Variants in ZFHX3 observed in about 807,000 individuals in gnomAD.
ZFHX3 encodes zinc finger homeobox protein 3.
Under a neutral mutation model 279.1 loss-of-function variants are expected in ZFHX3, and 42 were observed. That is an observed-to-expected ratio of 0.15 (90% CI 0.12 to 0.19). The LOEUF (loss-of-function observed/expected upper bound fraction) is 0.19. ZFHX3 is among the 10% of genes least tolerant of loss of function. The pLI is 1.00. For synonymous variants in ZFHX3, 2,293 were observed against 1,957.8 expected (o/e 1.17, Z -4.52); for missense variants, 4,981 against 4,754.0 (o/e 1.05, Z -1.40).
chr16:73,309,906 CTTTT>C (rs57812149), intron 4 of ZFHX3, among the ~76,000 whole-genome samples: 3 of 114,406 alleles, frequency 2.6e-5, no homozygotes, highest in Non-Finnish European at 3.6e-5. Context: ...TTTTTCTTGC[CTTTT>C]TTTTTTTTTT....
At position 72,795,488 on chromosome 16, in the gene ZFHX3, G is replaced by A. The variant is rs765880075; in HGVS notation, c.7194C>T (p.Ala2398=). 4 of 1,614,032 alleles carry A rather than the reference G, an allele frequency of 2.5e-6. No individual in the cohort carries two copies. The highest frequency in any genetic ancestry group is 1.7e-6 in the Non-Finnish European group (2 of 1,180,044). The change falls in exon 9 of 10, where the codon GCC becomes GCT. Residue 2398 remains alanine, a synonymous_variant. Coordinates refer to ENST00000268489, the MANE Select transcript of ZFHX3 (RefSeq NM_006885.4). The part of the protein sequence containing the change: ...SQAYSAPAPS[A]NNTASSAFLQ... ...AGAAAGCGGAGGAAGCTGTATTATT[G>A]GCTGATGGTGCTGGGGCGCTGTAAG...
intron 5 of ZFHX3, among the ~76,000 whole-genome samples, chr16:73,248,577 G>T (rs2013377986): frequency 6.6e-6 from 1 of 151,532 alleles, no homozygotes; most frequent in Non-Finnish European, 1.5e-5. Flanking sequence ...GTGTCTGTGT[G>T]TATATGTGCA....
At chr16:73,390,808 C>G (rs967249893) in intron 3 of ZFHX3, among the ~76,000 whole-genome samples, 2 of 151,982 alleles carry the variant, frequency 1.3e-5, no homozygotes, top group Admixed American at 6.6e-5. Context: ...ACCCACTTCT[C>G]CCCCTGGTGT....
intron 1 of ZFHX3, among the ~76,000 whole-genome samples, chr16:73,031,281 G>A (rs1380608370): frequency 2.0e-5 from 3 of 152,108 alleles, no homozygotes; most frequent in Non-Finnish European, 4.4e-5. Flanking sequence ...CCTGGCGGCG[G>A]GGGGGGAAGT....
chr16:73,350,687 G>A (rs183294480), intron 3 of ZFHX3, among the ~76,000 whole-genome samples: 9 of 152,278 alleles, frequency 5.9e-5, no homozygotes, highest in African/African-American at 1.4e-4. Flanking sequence ...CTGACCCTTC[G>A]GTCAAGTGCT....
rs1047606864 is a variant in ZFHX3 at position 73,301,674 on chromosome 16, A to G, written c.-1194+16566T>C. ...TCCCGATACCAAGAAAGAGAGAAAG[A>G]TCATTGCCAAGTCCCTCATGGCTTA... On this transcript the variant is annotated intron_variant, in intron 4 of 17. Coordinates refer to the ZFHX3 transcript ENST00000641206. Among the ~76,000 whole-genome samples, 6 of 151,922 alleles carry G rather than the reference A, an allele frequency of 3.9e-5. No individual in the cohort carries two copies. The South Asian group carries it at 8.3e-4, about 21-fold the overall frequency.
At chr16:72,812,454 G>T (rs1053657127) in intron 5 of ZFHX3, among the ~76,000 whole-genome samples, 1 of 152,206 alleles carries the variant, frequency 6.6e-6, no homozygotes, top group African/African-American at 2.4e-5. Flanking sequence ...CTTCAGAAAT[G>T]TAAGAAGAGA....
At chr16:73,237,528 CTTTTTT>C (rs886922274) in intron 5 of ZFHX3, among the ~76,000 whole-genome samples, 1 of 84,144 alleles carries the variant, frequency 1.2e-5, no homozygotes, top group Non-Finnish European at 2.3e-5. Flanking sequence ...CAAATGCAGC[CTTTTTT>C]TTTTTTTTTT....
At chr16:73,125,178 G>C (rs1405397894) in intron 7 of ZFHX3, 1 of 149,512 alleles carries the variant, frequency 6.7e-6, no homozygotes, top group African/African-American at 2.5e-5. Flanking sequence ...AGCTGTGGGT[G>C]GCAGAAGAGG....
intron 2 of ZFHX3, among the ~76,000 whole-genome samples, chr16:73,606,673 A>G (rs1390039669): frequency 6.6e-6 from 1 of 152,014 alleles, no homozygotes; most frequent in Non-Finnish European, 1.5e-5. Context: ...CTATCAACCC[A>G]CCACCTAGGT....
intron 1 of ZFHX3, among the ~76,000 whole-genome samples, chr16:73,771,714 C>G (rs1000383577): frequency 6.6e-6 from 1 of 152,156 alleles, no homozygotes; most frequent in Non-Finnish European, 1.5e-5. Flanking sequence ...GGCTTCCTTC[C>G]CTAGAGAACT....
At chr16:73,838,255 T>A (rs2966028) in intron 1 of ZFHX3, among the ~76,000 whole-genome samples, 45,516 of 152,118 alleles carry the variant, frequency 0.3, 7,549 homozygotes, top group Non-Finnish European at 0.38. Flanking sequence ...TGGCCAGAGC[T>A]GTAGCCAACA....
intron 1 of ZFHX3, among the ~76,000 whole-genome samples, chr16:73,704,852 T>A (rs2053288247): frequency 6.6e-6 from 1 of 152,200 alleles, no homozygotes; most frequent in South Asian, 2.1e-4. Flanking sequence ...CTCCAAGCTG[T>A]CCCACCTGAG....
intron 1 of ZFHX3, among the ~76,000 whole-genome samples, chr16:73,871,103 T>G (rs1384126689): frequency 6.6e-6 from 1 of 152,230 alleles, no homozygotes; most frequent in Non-Finnish European, 1.5e-5. Flanking sequence ...GTTTACAAGT[T>G]GTAATTGTTT....
chr16:73,453,649 T>C (rs1597341321), intron 3 of ZFHX3, among the ~76,000 whole-genome samples: 1 of 152,226 alleles, frequency 6.6e-6, no homozygotes, highest in Admixed American at 6.5e-5. Flanking sequence ...AAAGCAAGTG[T>C]ATTAGTCTGT....
chr16:73,091,362 C>T (rs986422648), intron 8 of ZFHX3, among the ~76,000 whole-genome samples: 1 of 152,148 alleles, frequency 6.6e-6, no homozygotes, highest in Non-Finnish European at 1.5e-5. Flanking sequence ...TTGGCAATGG[C>T]TTTCAGTGGC....
At chr16:73,353,138 GT>G (rs2016277875) in intron 3 of ZFHX3, among the ~76,000 whole-genome samples, 1 of 152,206 alleles carries the variant, frequency 6.6e-6, no homozygotes, top group South Asian at 2.1e-4. Context: ...AAGAAACACT[GT>G]GCATTCATGA....
At chr16:73,716,772 GA>G (rs1390484291) in intron 1 of ZFHX3, among the ~76,000 whole-genome samples, 1 of 152,048 alleles carries the variant, frequency 6.6e-6, no homozygotes, top group East Asian at 1.9e-4. Flanking sequence ...GCTCCTTTGG[GA>G]GGAGCAATTT....
At chr16:73,656,146 A>G (rs1431936874) in intron 2 of ZFHX3, among the ~76,000 whole-genome samples, 1 of 152,212 alleles carries the variant, frequency 6.6e-6, no homozygotes, top group Non-Finnish European at 1.5e-5. Flanking sequence ...GAACACAACC[A>G]TGCTTATCCA....
Sources: gnomAD v4.1 joint callset for allele counts (sites outside exome capture counted in the v4.1 genomes callset) on GRCh38, gnomAD v4.1.1 for gene constraint, MANE v1.5 for transcripts, NCBI Gene and HGNC (gene_info 2026-07-23, HGNC 2026-07-21) for gene names.